CLSTN2: variants seen among roughly 807,000 people sequenced by gnomAD.
CLSTN2 encodes the protein calsyntenin 2, also known as calsyntenin-2.
Under a neutral mutation model 101.2 loss-of-function variants are expected in CLSTN2, and 48 were observed. The ratio of observed to expected loss-of-function variants is 0.47; its 90% CI spans 0.38 to 0.60. CLSTN2 has a LOEUF of 0.60. Ranked by LOEUF, CLSTN2 falls within the 20% of genes least tolerant of loss-of-function variation. The probability of loss-of-function intolerance (pLI) is 0.00; values close to 1 mark genes in which losing one functional copy is unlikely to be tolerated. For missense variants in CLSTN2, 1,160 were observed against 1,238.2 expected (o/e 0.94, Z 0.95); for synonymous variants, 481 against 463.6 (o/e 1.04, Z -0.48).
chr3:140,317,934 G>C (rs1364861152), intron 2 of CLSTN2, among the ~76,000 whole-genome samples: 1 of 152,164 alleles, frequency 6.6e-6, no homozygotes, highest in Non-Finnish European at 1.5e-5. Flanking sequence ...CTGCTGTGCA[G>C]GCAGTGCATC....
At chr3:140,424,339 A>T (rs2088538677) in intron 5 of CLSTN2, among the ~76,000 whole-genome samples, 2 of 152,170 alleles carry the variant, frequency 1.3e-5, no homozygotes, top group African/African-American at 4.8e-5. Context: ...ATAACAGGCC[A>T]TAAGGCCTTT....
chr3:140,560,116 T>C (rs1935879985), intron 12 of CLSTN2, among the ~76,000 whole-genome samples: 1 of 152,248 alleles, frequency 6.6e-6, no homozygotes, highest in African/African-American at 2.4e-5. Context: ...TTTCGTCTTC[T>C]GTTTATGAGA....
chr3:140,410,209 T>C lies in CLSTN2; in HGVS notation c.637+5443T>C, dbSNP rs995119648. On this transcript the variant is annotated intron_variant, in intron 4 of 16. Transcript: ENST00000458420. ...TACATGAAACTTAAAGTTCTCTAAT[T>C]ACATTCAACCCCAAAAGACTTTGCC... 2.6e-5 allele frequency among the ~76,000 whole-genome samples: 4 copies of C among 151,982 alleles called. No individual in the cohort carries two copies. The East Asian group carries it at 7.7e-4, about 29-fold the overall frequency.
At chr3:140,543,556 G>A (rs916184185) in intron 9 of CLSTN2, among the ~76,000 whole-genome samples, 3 of 152,190 alleles carry the variant, frequency 2.0e-5, no homozygotes, top group Non-Finnish European at 4.4e-5. Context: ...GGCACCCCAG[G>A]CTGAGAACGT....
chr3:139,986,989 T>G (rs1486984066), intron 1 of CLSTN2, among the ~76,000 whole-genome samples: 1 of 152,116 alleles, frequency 6.6e-6, no homozygotes, highest in African/African-American at 2.4e-5. Flanking sequence ...CTCCTTGACT[T>G]AAAATTATAT....
intron 2 of CLSTN2, among the ~76,000 whole-genome samples, chr3:140,250,251 C>A (rs112773647): frequency 6.6e-6 from 1 of 152,204 alleles, no homozygotes; most frequent in African/African-American, 2.4e-5. Context: ...GGTACCCACT[C>A]TGTGCCGAGC....
intron 2 of CLSTN2, among the ~76,000 whole-genome samples, chr3:140,178,882 A>C (rs931361896): frequency 6.6e-6 from 1 of 152,076 alleles, no homozygotes; most frequent in South Asian, 2.1e-4. Flanking sequence ...CCCCTTTCCC[A>C]GTGGTCTTTA....
chr3:140,493,967 C>T (rs1366649644), intron 8 of CLSTN2, among the ~76,000 whole-genome samples: 1 of 152,176 alleles, frequency 6.6e-6, no homozygotes, highest in African/African-American at 2.4e-5. Context: ...ATGTTGAGGA[C>T]AGAGCTGTCC....
intron 5 of CLSTN2, among the ~76,000 whole-genome samples, chr3:140,428,733 A>G (rs866563684): frequency 6.6e-6 from 1 of 152,226 alleles, no homozygotes. Context: ...AAAGGAAAAG[A>G]AAGAGAGATG....
intron 1 of CLSTN2, among the ~76,000 whole-genome samples, chr3:140,096,663 C>G (rs967124091): frequency 1.3e-5 from 2 of 152,170 alleles, no homozygotes; most frequent in South Asian, 2.1e-4. Flanking sequence ...AGAGATCCAT[C>G]AAAGCCTCTT....
chr3:140,148,440 C>A lies in CLSTN2; in HGVS notation c.110-27511C>A, dbSNP rs183478940. On this transcript the variant is annotated intron_variant, in intron 1 of 16. Coordinates refer to ENST00000458420, the MANE Select transcript of CLSTN2 (RefSeq NM_022131.3). ...CTGTGGTTAGTTTGGATGTTTGAGA[C>A]AGCCCAGCCTGGCATATTCCCTATC... Among the ~76,000 whole-genome samples the A allele has an allele frequency of 1.5e-3, 223 of 152,336 alleles. 1 individual carries two copies. The highest frequency in any genetic ancestry group is 3.9e-3 in the Admixed American group (60 of 15,310).
intron 1 of CLSTN2, among the ~76,000 whole-genome samples, chr3:140,151,828 G>A (rs917823400): frequency 1.3e-5 from 2 of 152,220 alleles, no homozygotes; most frequent in African/African-American, 4.8e-5. Context: ...CAATCATGGG[G>A]ACTTGGCCTA....
intron 1 of CLSTN2, among the ~76,000 whole-genome samples, chr3:139,958,970 G>A (rs950165221): frequency 4.0e-5 from 6 of 151,482 alleles, no homozygotes; most frequent in African/African-American, 7.3e-5. Flanking sequence ...GGGAAACTAC[G>A]TCCTCCAGAT....
In CLSTN2 at chr3:140,341,031, T is replaced by C. The variant is rs78444996; in HGVS notation, c.233-62598T>C. On this transcript the variant is annotated intron_variant, in intron 2 of 16. Coordinates refer to ENST00000458420, the MANE Select transcript of CLSTN2 (RefSeq NM_022131.3). ...GGTACTTGACTTACCACTGTCGACG[T>C]TGACCTTGACCACCTGGTTGAGGTA... is the stretch of plus-strand genomic sequence containing the variant. Among the ~76,000 whole-genome samples, 37 of 152,334 alleles carry C rather than the reference T, an allele frequency of 2.4e-4. 2 individuals are homozygous for C. In the East Asian group the frequency reaches 6.7e-3, roughly 28 times the overall value.
At chr3:140,400,965 T>C (rs956682393) in intron 2 of CLSTN2, among the ~76,000 whole-genome samples, 10 of 152,226 alleles carry the variant, frequency 6.6e-5, no homozygotes, top group Admixed American at 2.0e-4. Context: ...TAGCTCTCCT[T>C]CAGTGTACTC....
chr3:140,271,043 C>T (rs967178908), intron 2 of CLSTN2, among the ~76,000 whole-genome samples: 6 of 152,290 alleles, frequency 3.9e-5, no homozygotes, highest in East Asian at 3.9e-4. Flanking sequence ...AATTCTTTAG[C>T]GGCGTCTCTG....
At chr3:140,396,040 C>T (rs969967133) in intron 2 of CLSTN2, among the ~76,000 whole-genome samples, 34 of 152,190 alleles carry the variant, frequency 2.2e-4, no homozygotes, top group African/African-American at 8.0e-4. Context: ...CAGTGTTTCT[C>T]AAAAGAACCC....
At chr3:140,321,748 C>T (rs2087284821) in intron 2 of CLSTN2, among the ~76,000 whole-genome samples, 1 of 152,122 alleles carries the variant, frequency 6.6e-6, no homozygotes. Flanking sequence ...ACAACATCCC[C>T]CAGAGTTTAT....
At chr3:140,340,236 G>A (rs1011451783) in intron 2 of CLSTN2, among the ~76,000 whole-genome samples, 2 of 152,130 alleles carry the variant, frequency 1.3e-5, no homozygotes, top group African/African-American at 4.8e-5. Context: ...TGTAAAGTAC[G>A]CCTAAGTTTA....
Sources: gnomAD v4.1 joint callset for allele counts (sites outside exome capture counted in the v4.1 genomes callset) on GRCh38, gnomAD v4.1.1 for gene constraint, MANE v1.5 for transcripts, NCBI Gene and HGNC (gene_info 2026-07-23, HGNC 2026-07-21) for gene names.